The following ARHGEF26 variants were observed in gnomAD, a reference collection of about 807,000 sequenced individuals.
The protein encoded by ARHGEF26 is Rho guanine nucleotide exchange factor (GEF) 26.
A neutral mutation model predicts 89.4 loss-of-function variants in ARHGEF26; 59 were observed. The observed-to-expected ratio is 0.66, with a 90% CI of 0.54 to 0.82. The LOEUF is 0.82. Among genes scored for constraint, ARHGEF26 ranks in the 40% least tolerant of loss-of-function variants. The pLI, the probability that ARHGEF26 is intolerant of heterozygous loss-of-function variation, is 0.00. For synonymous variants in ARHGEF26, 500 were observed against 428.4 expected (o/e 1.17, Z -2.06); for missense variants, 1,234 against 1,085.6 (o/e 1.14, Z -1.92).
intron 6 of ARHGEF26, among the ~76,000 whole-genome samples, chr3:154,185,005 G>A (rs1713432061): frequency 6.6e-6 from 1 of 152,060 alleles, no homozygotes; most frequent in South Asian, 2.1e-4. Flanking sequence ...ATTGTGCTTT[G>A]CTCCCCTGCT....
At chr3:154,210,995 A>C (rs1715328934) in intron 9 of ARHGEF26, among the ~76,000 whole-genome samples, 1 of 151,554 alleles carries the variant, frequency 6.6e-6, no homozygotes, top group African/African-American at 2.4e-5. Flanking sequence ...CGGGGGCCTC[A>C]CAACAGTGAG....
At chr3:154,248,045 G>A (rs1717905607) in intron 12 of ARHGEF26, among the ~76,000 whole-genome samples, 1 of 152,166 alleles carries the variant, frequency 6.6e-6, no homozygotes, top group Non-Finnish European at 1.5e-5. Context: ...AACAGGCTGT[G>A]GCAAGTGGAG....
chr3:154,244,143 A>G (rs1429009958), intron 12 of ARHGEF26, among the ~76,000 whole-genome samples: 1 of 152,242 alleles, frequency 6.6e-6, no homozygotes, highest in Non-Finnish European at 1.5e-5. Context: ...AGAGTCAGGT[A>G]TATAATTTCA....
intron 4 of ARHGEF26, among the ~76,000 whole-genome samples, chr3:154,132,087 A>C (rs1251013216): frequency 6.6e-6 from 1 of 152,172 alleles, no homozygotes; most frequent in African/African-American, 2.4e-5. Context: ...AATTTAATGA[A>C]AGCAGCATGA....
chr3:154,216,197 T>C (rs2108242529), intron 9 of ARHGEF26, among the ~76,000 whole-genome samples: 1 of 152,104 alleles, frequency 6.6e-6, no homozygotes, highest in Admixed American at 6.5e-5. Flanking sequence ...CTTTTAACAA[T>C]CACATTTGTT....
intron 9 of ARHGEF26, among the ~76,000 whole-genome samples, chr3:154,210,444 G>T (rs1232691398): frequency 6.6e-6 from 1 of 151,972 alleles, no homozygotes; most frequent in Non-Finnish European, 1.5e-5. Context: ...CTCCCAAGTA[G>T]CTGGGATTAC....
At chr3:154,178,763 TATGGAA>T (rs1303072279) in intron 6 of ARHGEF26, among the ~76,000 whole-genome samples, 1 of 152,236 alleles carries the variant, frequency 6.6e-6, no homozygotes, top group Non-Finnish European at 1.5e-5. Flanking sequence ...TGAAGGGTCA[TATGGAA>T]ACTATGTTTA....
chr3:154,224,689 C>T (rs374674163), intron 10 of ARHGEF26, among the ~76,000 whole-genome samples: 94 of 152,192 alleles, frequency 6.2e-4, no homozygotes, highest in East Asian at 2.1e-3. Context: ...TGTCTGATTT[C>T]GAGATTTTGG....
intron 4 of ARHGEF26, among the ~76,000 whole-genome samples, chr3:154,148,195 C>G (rs953151992): frequency 6.6e-6 from 1 of 152,168 alleles, no homozygotes; most frequent in East Asian, 1.9e-4. Context: ...CATGAGGAGC[C>G]GCTTTGTCAT....
At chr3:154,150,137 CTT>C (rs11415597) in intron 5 of ARHGEF26, among the ~76,000 whole-genome samples, 5 of 137,418 alleles carry the variant, frequency 3.6e-5, no homozygotes, top group Non-Finnish European at 6.2e-5. Flanking sequence ...CAAGGATGTC[CTT>C]TTTTTTTTTT....
chr3:154,174,105 G>C (rs867918157), intron 6 of ARHGEF26, among the ~76,000 whole-genome samples: 3 of 152,152 alleles, frequency 2.0e-5, no homozygotes. Context: ...TCAAATACCT[G>C]CCCTGGCAGC....
chr3:154,182,077 C>T (rs995526509), intron 6 of ARHGEF26, among the ~76,000 whole-genome samples: 1 of 151,320 alleles, frequency 6.6e-6, no homozygotes, highest in Non-Finnish European at 1.5e-5. Context: ...TATATATATA[C>T]ACACACACTA....
At chr3:154,163,810 C>T (rs1711813068) in intron 6 of ARHGEF26, among the ~76,000 whole-genome samples, 1 of 152,014 alleles carries the variant, frequency 6.6e-6, no homozygotes, top group South Asian at 2.1e-4. Flanking sequence ...TGAATGTGTC[C>T]CAATGGTTTG....
chr3:154,147,250 C>T (rs1576702275), intron 4 of ARHGEF26, among the ~76,000 whole-genome samples: 1 of 152,170 alleles, frequency 6.6e-6, no homozygotes, highest in East Asian at 1.9e-4. Flanking sequence ...ACTAAAAATA[C>T]AAATATTAGC....
intron 6 of ARHGEF26, among the ~76,000 whole-genome samples, chr3:154,181,710 T>C (rs1399747035): frequency 3.9e-5 from 6 of 152,136 alleles, no homozygotes; most frequent in Admixed American, 1.3e-4. Context: ...GTAATCCTAA[T>C]TGAAGAATTG....
intron 3 of ARHGEF26, among the ~76,000 whole-genome samples, chr3:154,127,588 T>G (rs1300540421): frequency 8.0e-6 from 1 of 125,290 alleles, no homozygotes; most frequent in Admixed American, 9.9e-5. Flanking sequence ...TGAGGCTGTT[T>G]CACAGTTAAC....
At chr3:154,201,696 C>T (rs1714651749) in intron 9 of ARHGEF26, among the ~76,000 whole-genome samples, 4 of 151,780 alleles carry the variant, frequency 2.6e-5, no homozygotes, top group Admixed American at 6.6e-5. Flanking sequence ...GATTGCCATT[C>T]TAACTGGTGT....
intron 6 of ARHGEF26, among the ~76,000 whole-genome samples, chr3:154,157,963 C>G (rs1711500398): frequency 6.6e-6 from 1 of 152,102 alleles, no homozygotes; most frequent in African/African-American, 2.4e-5. Flanking sequence ...ATAACTACAA[C>G]TTGTAGCAGT....
upstream of ARHGEF26, chr3:154,121,148 G>C (rs575092645): frequency 1.1e-3 from 168 of 152,338 alleles, no homozygotes; most frequent in African/African-American, 3.9e-3. Flanking sequence ...CCCCGGCAAC[G>C]ACCCCGCGCG....
Sources: allele counts gnomAD v4.1 joint callset (sites outside exome capture counted in the v4.1 genomes callset), GRCh38; gene constraint gnomAD v4.1.1; transcripts MANE v1.5; gene names NCBI Gene and HGNC (gene_info 2026-07-23, HGNC 2026-07-21).